The following WDR43 variants were observed in gnomAD, a reference collection of about 807,000 sequenced individuals.
The protein encoded by WDR43 is WD repeat domain 43.
Under a neutral mutation model 91.4 loss-of-function variants are expected in WDR43, and 13 were observed. That is an observed-to-expected ratio of 0.14 (90% CI 0.09 to 0.23). The LOEUF (loss-of-function observed/expected upper bound fraction) is 0.23. WDR43 is among the 10% of genes least tolerant of loss of function. The pLI is 1.00. For synonymous variants in WDR43, 331 were observed against 287.9 expected (o/e 1.15, Z -1.51); for missense variants, 780 against 809.4 (o/e 0.96, Z 0.44).
chr2:28,924,924 GAGTT>G lies in WDR43; in HGVS notation c.915-54_915-51del, dbSNP rs1671099070. On this transcript the variant is annotated intron_variant, in intron 7 of 17. Transcript: ENST00000407426. ...TTCGTGACTTGATGTCAGTTCCAGA[GAGTT>G]AGTATGAGACGTTTTTTCAAATTCT... The G allele has an allele frequency of 2.6e-6, 4 of 1,564,580 alleles. 1 individual carries two copies. Among genetic ancestry groups the G allele is most frequent in the African/African-American group, 2.7e-5 (2 of 73,600 alleles).
At chr2:28,942,852 A>C (rs1341503660) in intron 16 of WDR43, among the ~76,000 whole-genome samples, 1 of 152,040 alleles carries the variant, frequency 6.6e-6, no homozygotes, top group Non-Finnish European at 1.5e-5. Flanking sequence ...CCTGGGCTCA[A>C]GTGATCCCAA....
rs1041505724 is a variant in WDR43 at position 28,948,216 on chromosome 2, C to T, written c.*1437C>T. On this transcript the variant is annotated 3_prime_UTR_variant, in exon 18 of 18. Transcript: ENST00000407426. ...TAAAGTGAATAAATATTCATCTTTA[C>T]CCAGTGCTTGTCTTGTGGTATATGT... 3.3e-5 allele frequency: 5 copies of T among 152,072 alleles called. No homozygotes were observed. Among genetic ancestry groups the T allele is most frequent in the African/African-American group, 1.2e-4 (5 of 41,384 alleles). The allele number at this position is 152,072 out of a possible 1,614,324, so 9.4% of individuals were successfully genotyped here.
chr2:28,943,374 G>A (rs575599649), intron 16 of WDR43, among the ~76,000 whole-genome samples: 64 of 152,146 alleles, frequency 4.2e-4, no homozygotes, highest in African/African-American at 1.3e-3. Flanking sequence ...CCTCAAAAAC[G>A]GTCTTCTCGC....
chr2:28,919,545 A>C (rs78757684), intron 6 of WDR43, among the ~76,000 whole-genome samples: 39,136 of 151,640 alleles, frequency 0.26, 6,241 homozygotes, highest in East Asian at 0.77. Flanking sequence ...AGTCCCAGCT[A>C]CTCGGGAGGC....
At chr2:28,929,783 C>T (rs965040165) in intron 11 of WDR43, 73 bp downstream of exon 11, 1 of 1,461,378 alleles carries the variant, frequency 6.8e-7, no homozygotes, top group African/African-American at 1.4e-5. Context: ...ATAGCACATT[C>T]ACAGCTGTGA....
rs771251041 is a variant in WDR43, at chr2:28,894,728, C to G, written c.30C>G (p.Asp10Glu). 7 of 1,576,752 alleles carry G rather than the reference C, an allele frequency of 4.4e-6. No individual in the cohort carries two copies. The African/African-American group carries it at 6.8e-5, about 15-fold the overall frequency. The change falls in exon 1 of 18, where the codon GAC becomes GAG. Residue 10 changes from aspartate to glutamate, a missense_variant. By Grantham distance (45) the Asp-to-Glu change is conservative. This residue lies in a region of WDR43 where 175 missense variants were observed against 113.8 expected (regional missense o/e 1.54). Transcript: ENST00000407426. ...CGGCGGGCGGCGGCGGTAGCTGCGA[C>G]CCCCTGGCCCCTGCTGGGGTCCCTT... MAAGGGGSC[D>E]PLAPAGVPCA...
chr2:28,924,332 C>T (rs1046569665), intron 7 of WDR43, among the ~76,000 whole-genome samples: 5 of 152,120 alleles, frequency 3.3e-5, no homozygotes, highest in East Asian at 3.9e-4. Flanking sequence ...CATTGGATGA[C>T]GGCAGGAGGG....
chr2:28,920,284 G>A (rs1267862392), intron 6 of WDR43, among the ~76,000 whole-genome samples: 1 of 138,972 alleles, frequency 7.2e-6, no homozygotes, highest in Non-Finnish European at 1.5e-5. Context: ...GGAGTGTAGT[G>A]GTGCGATCTC....
chr2:28,926,100 AC>A (rs1238803471), intron 8 of WDR43, among the ~76,000 whole-genome samples: 4 of 152,214 alleles, frequency 2.6e-5, no homozygotes, highest in Non-Finnish European at 5.9e-5. Flanking sequence ...AGAACCATTT[AC>A]TATTTTGAGC....
At chr2:28,909,037 G>A (rs557093630) in intron 3 of WDR43, among the ~76,000 whole-genome samples, 3 of 152,184 alleles carry the variant, frequency 2.0e-5, no homozygotes, top group African/African-American at 7.2e-5. Flanking sequence ...AATCTTCTCA[G>A]TTGTTTCTGG....
Position 28,946,908 on chromosome 2 carries a change from C to G in WDR43, c.*129C>G. ...AAATTCACAGCAGTGGATCCCATGC[C>G]ACTTTGCTGTCCTGAGCACCCCAGA... On this transcript the variant is annotated 3_prime_UTR_variant, in exon 18 of 18. Coordinates refer to ENST00000407426, the MANE Select transcript of WDR43 (RefSeq NM_015131.3). The G allele has an allele frequency of 9.2e-7, 1 of 1,089,656 alleles. No homozygotes were observed. Among genetic ancestry groups the G allele is most frequent in the Non-Finnish European group, 1.3e-6 (1 of 784,006 alleles). 67.5% of individuals were successfully genotyped at this position (1,089,656 alleles called of 1,614,324 possible). A position where few individuals can be genotyped will look rare whatever the true frequency, so the allele number is the denominator to read the frequency against.
chr2:28,898,909 C>T (rs1231679702), intron 1 of WDR43, among the ~76,000 whole-genome samples: 1 of 152,196 alleles, frequency 6.6e-6, no homozygotes, highest in East Asian at 1.9e-4. Context: ...TTTCTGTCTT[C>T]ATCCCATCTG....
chr2:28,904,157 C>T (rs144121302), intron 2 of WDR43, among the ~76,000 whole-genome samples: 255 of 152,104 alleles, frequency 1.7e-3, no homozygotes, highest in Middle Eastern at 0.014. Context: ...AATACATCTT[C>T]GACAGGGATG....
chr2:28,934,591 T>A (rs927541811), intron 11 of WDR43, among the ~76,000 whole-genome samples: 2 of 152,222 alleles, frequency 1.3e-5, no homozygotes, highest in African/African-American at 4.8e-5. Context: ...TGGGATAACG[T>A]ATTTTTATTT....
intron 5 of WDR43, among the ~76,000 whole-genome samples, chr2:28,914,645 A>G (rs1670872229): frequency 6.6e-6 from 1 of 152,116 alleles, no homozygotes. Context: ...AAAAGTAAAA[A>G]TCAGGCCGGG....
chr2:28,904,347 A>G (rs1670637949), intron 2 of WDR43, among the ~76,000 whole-genome samples: 1 of 152,204 alleles, frequency 6.6e-6, no homozygotes. Flanking sequence ...CCTACCTTGC[A>G]TGATTTTATT....
At chr2:28,918,324 GT>G (rs1272357215) in intron 6 of WDR43, among the ~76,000 whole-genome samples, 7 of 18,342 alleles carry the variant, frequency 3.8e-4, no homozygotes, top group Non-Finnish European at 1.0e-3. Flanking sequence ...TAACTAAGGT[GT>G]GTGTGTGTGT....
intron 16 of WDR43, among the ~76,000 whole-genome samples, chr2:28,944,793 C>T (rs1671511255): frequency 6.6e-6 from 1 of 152,244 alleles, no homozygotes. Flanking sequence ...GAGGTGGCTA[C>T]TAAACGACTA....
At chr2:28,920,342 C>T (rs937358984) in intron 6 of WDR43, among the ~76,000 whole-genome samples, 1 of 149,018 alleles carries the variant, frequency 6.7e-6, no homozygotes, top group Non-Finnish European at 1.5e-5. Flanking sequence ...CCTTCTGCCT[C>T]AATATCCCAA....
Sources: allele counts gnomAD v4.1 joint callset (sites outside exome capture counted in the v4.1 genomes callset), GRCh38; gene constraint gnomAD v4.1.1; regional missense constraint gnomAD v4.1.1; transcripts MANE v1.5; gene names NCBI Gene and HGNC (gene_info 2026-07-23, HGNC 2026-07-21).